The following BRDT variants were observed in gnomAD, a reference collection of about 807,000 sequenced individuals.
The protein encoded by BRDT is bromodomain testis associated, also known as bromodomain testis-specific protein.
BRDT carries 77 observed loss-of-function variants against 113.9 expected under a neutral mutation model. The observed-to-expected ratio is 0.68, with a 90% CI of 0.56 to 0.82. The LOEUF (loss-of-function observed/expected upper bound fraction) is 0.82. Among genes scored for constraint, BRDT ranks in the 40% least tolerant of loss-of-function variants. The probability of loss-of-function intolerance (pLI) is 0.00; values close to 1 mark genes in which losing one functional copy is unlikely to be tolerated. For synonymous variants in BRDT, 358 were observed against 366.5 expected (o/e 0.98, Z 0.26); for missense variants, 1,027 against 1,105.4 (o/e 0.93, Z 1.01).
At chr1:92,002,693 C>G (rs1313564010) in intron 16 of BRDT, among the ~76,000 whole-genome samples, 1 of 152,056 alleles carries the variant, frequency 6.6e-6, no homozygotes. Flanking sequence ...ATTGAAAGTT[C>G]TATAATGTTG....
intron 15 of BRDT, among the ~76,000 whole-genome samples, chr1:91,996,767 G>A (rs542915477): frequency 6.6e-6 from 1 of 152,314 alleles, no homozygotes; most frequent in East Asian, 1.9e-4. Context: ...TGAGCTACTG[G>A]GAGATTATCT....
At chr1:91,988,525 C>T (rs531825977) in intron 12 of BRDT, among the ~76,000 whole-genome samples, 10 of 152,022 alleles carry the variant, frequency 6.6e-5, no homozygotes, top group African/African-American at 1.7e-4. Flanking sequence ...CTCAGCCTCC[C>T]GAGTAGCTGG....
At chr1:91,984,293 T>G (rs1479553370) in intron 12 of BRDT, among the ~76,000 whole-genome samples, 1 of 152,166 alleles carries the variant, frequency 6.6e-6, no homozygotes, top group Admixed American at 6.5e-5. Flanking sequence ...GGCTCTTAAT[T>G]TCTAGCATGT....
At chr1:91,954,281 T>A (rs913473746) in intron 1 of BRDT, among the ~76,000 whole-genome samples, 1 of 145,284 alleles carries the variant, frequency 6.9e-6, no homozygotes, top group Non-Finnish European at 1.5e-5. Flanking sequence ...ATTTTTTTTT[T>A]TTTTTTTTTT....
In BRDT at chr1:91,964,621, C is replaced by T; in HGVS notation, c.193-6C>T. ...ACTAACATTTAGAATTTGTTCAAAA[C>T]CATAGGATTATTATACCATTATAAA... On this transcript the variant is annotated splice_polypyrimidine_tract_variant and splice_region_variant and intron_variant, in intron 2 of 18. Transcript: ENST00000399546. 1 of 1,359,882 alleles carries T rather than the reference C, an allele frequency of 7.4e-7. No individual in the cohort carries two copies. Among genetic ancestry groups the T allele is most frequent in the South Asian group, 1.6e-5 (1 of 63,606 alleles). 84.2% of individuals were successfully genotyped at this position (1,359,882 alleles called of 1,614,324 possible).
At chr1:91,994,740 C>T (rs995266607) in intron 15 of BRDT, among the ~76,000 whole-genome samples, 5 of 149,962 alleles carry the variant, frequency 3.3e-5, no homozygotes, top group Non-Finnish European at 7.4e-5. Flanking sequence ...CAGTGGCGGG[C>T]GCCTGTAGTC....
At chr1:91,969,818 T>A (rs1290772376) in intron 4 of BRDT, among the ~76,000 whole-genome samples, 3 of 131,956 alleles carry the variant, frequency 2.3e-5, no homozygotes, top group Middle Eastern at 6.8e-3. Flanking sequence ...TTTGTGTGTG[T>A]GTGTGTTTTT....
intron 15 of BRDT, among the ~76,000 whole-genome samples, chr1:91,998,700 G>A (rs1686574655): frequency 6.6e-6 from 1 of 152,152 alleles, no homozygotes; most frequent in Admixed American, 6.5e-5. Flanking sequence ...GAAGAAGGCA[G>A]AATCACCTGA....
chr1:91,999,688 A>G (rs746821128), intron 15 of BRDT, among the ~76,000 whole-genome samples: 11 of 152,174 alleles, frequency 7.2e-5, no homozygotes, highest in Non-Finnish European at 4.4e-5. Context: ...ATGACATGGA[A>G]AAGGTTGGAA....
Position 91,966,061 on chromosome 1 carries a change from C to T in BRDT, c.330+1297C>T, listed in dbSNP as rs976465176. Among the ~76,000 whole-genome samples the T allele has an allele frequency of 7.2e-5, 11 of 151,950 alleles. No homozygotes were observed. In the South Asian group the frequency reaches 8.3e-4, roughly 11 times the overall value. ...ATTTTTATTTTTTGAGATGGAGTCTCGCTCTGTTGCCCAGGCTGGAGTGCA... is the reference window on the plus strand; with the variant it reads ...ATTTTTATTTTTTGAGATGGAGTCTTGCTCTGTTGCCCAGGCTGGAGTGCA... On this transcript the variant is annotated intron_variant, in intron 3 of 18. Coordinates refer to ENST00000399546, the MANE Select transcript of BRDT (RefSeq NM_207189.4).
intron 4 of BRDT, among the ~76,000 whole-genome samples, chr1:91,969,829 T>G (rs1382948750): frequency 6.2e-5 from 9 of 144,272 alleles, no homozygotes; most frequent in East Asian, 6.0e-4. Flanking sequence ...GTGTGTTTTT[T>G]TTTTTTTTTT....
At chr1:91,959,425 T>C (rs1294806283) in intron 1 of BRDT, among the ~76,000 whole-genome samples, 1 of 151,200 alleles carries the variant, frequency 6.6e-6, no homozygotes, top group African/African-American at 2.4e-5. Flanking sequence ...CTTTCTTTTT[T>C]TTTTTTTTTT....
At chr1:91,976,202 GAC>G in intron 4 of BRDT, 62 bp from the exon 5 acceptor site, 1 of 1,420,152 alleles carries the variant, frequency 7.0e-7, no homozygotes, top group Non-Finnish European at 9.4e-7. Context: ...TAGAAAATAA[GAC>G]AGAAAGTGGT....
chr1:92,005,086 A>G, intron 17 of BRDT, 33 bp from the exon 18 acceptor site: 1 of 1,409,562 alleles, frequency 7.1e-7, no homozygotes, highest in Non-Finnish European at 9.3e-7. Flanking sequence ...AGGAACTTGA[A>G]ACCTACTTTG....
intron 18 of BRDT, among the ~76,000 whole-genome samples, chr1:92,005,675 T>A (rs2101813431): frequency 6.6e-6 from 1 of 152,292 alleles, no homozygotes; most frequent in South Asian, 2.1e-4. Flanking sequence ...TCTGCCTATT[T>A]ACTAGACTCT....
chr1:91,979,172 G>A (rs1227734868), intron 7 of BRDT, among the ~76,000 whole-genome samples: 1 of 147,940 alleles, frequency 6.8e-6, no homozygotes, highest in Non-Finnish European at 1.5e-5. Context: ...GGAGTGTAGT[G>A]GCGCAATCTT....
chr1:92,004,677 C>A, intron 17 of BRDT, 58 bp downstream of exon 17: 1 of 1,394,322 alleles, frequency 7.2e-7, no homozygotes, highest in Non-Finnish European at 9.7e-7. Context: ...ATTTTAAATA[C>A]ATTAAATTTC....
At chr1:91,961,988 A>C (rs1004758806) in intron 1 of BRDT, among the ~76,000 whole-genome samples, 19 of 151,652 alleles carry the variant, frequency 1.3e-4, no homozygotes, top group African/African-American at 4.6e-4. Flanking sequence ...TACTAAAAAT[A>C]CAAAAAGTTA....
chr1:91,979,228 C>T (rs1310802722), intron 7 of BRDT, among the ~76,000 whole-genome samples: 2 of 151,560 alleles, frequency 1.3e-5, no homozygotes, highest in South Asian at 2.1e-4. Flanking sequence ...ATTCTCCTGC[C>T]TCAGCCACCG....
Sources: gnomAD v4.1 joint callset for allele counts (sites outside exome capture counted in the v4.1 genomes callset) on GRCh38, gnomAD v4.1.1 for gene constraint, MANE v1.5 for transcripts, NCBI Gene and HGNC (gene_info 2026-07-23, HGNC 2026-07-21) for gene names.